The following DMBT1 variants were observed in gnomAD, a reference collection of about 807,000 sequenced individuals.
DMBT1 encodes the protein scavenger receptor cysteine-rich domain-containing protein DMBT1.
DMBT1 carries 198 observed loss-of-function variants against 252.9 expected under a neutral mutation model. That is an observed-to-expected ratio of 0.78 (90% CI 0.70 to 0.88). DMBT1 has a LOEUF of 0.88. Ranked by LOEUF, DMBT1 falls within the 40% of genes least tolerant of loss-of-function variation. The pLI, the probability that DMBT1 is intolerant of heterozygous loss-of-function variation, is 0.00. For missense variants in DMBT1, 2,432 were observed against 2,404.7 expected (o/e 1.01, Z -0.24); for synonymous variants, 990 against 942.7 (o/e 1.05, Z -0.92).
At chr10:122,576,171 G>A (rs2097710151) in intron 6 of DMBT1, among the ~76,000 whole-genome samples, 1 of 152,182 alleles carries the variant, frequency 6.6e-6, no homozygotes, top group Admixed American at 6.5e-5. Flanking sequence ...AGATCAGGAG[G>A]AGCCTTTTAT....
In DMBT1 at chr10:122,617,164, C is replaced by T. The variant is rs1272836620; in HGVS notation, c.4859-64C>T. On this transcript the variant is annotated intron_variant, in intron 39 of 55. Transcript: ENST00000338354. The stretch of plus-strand genomic sequence containing the variant: ...AGGTTGATTCCCCCTCCCAGAGAAC[C>T]TTTTGTTCTGTGCCTTTTCCCTTCA... 5.8e-6 allele frequency: 9 copies of T among 1,541,324 alleles called. 1 individual carries two copies. The East Asian group carries it at 2.2e-4, about 37-fold the overall frequency.
rs1311257395 is a variant in DMBT1 at position 122,585,492 on chromosome 10, G to A, written c.1459+183G>A. Among the ~76,000 whole-genome samples, 2 of 147,918 alleles carry A rather than the reference G, an allele frequency of 1.4e-5. 1 individual carries two copies. The highest frequency in any genetic ancestry group is 4.9e-5 in the African/African-American group (2 of 40,944). On this transcript the variant is annotated intron_variant, in intron 15 of 55. Transcript: ENST00000338354. The stretch of plus-strand genomic sequence containing the variant: ...TGGGTCTGATGTTGGAGGCTGGAGG[G>A]TGCTGGTGACTTTTCTCCCGTGGAA...
chr10:122,616,975 G>T (rs61269872), intron 39 of DMBT1, among the ~76,000 whole-genome samples: 1,953 of 124,296 alleles, frequency 0.016, 80 homozygotes, highest in South Asian at 0.14. Flanking sequence ...ATTGCATGGT[G>T]GGGGGCATCC....
At chr10:122,573,233 G>T (rs1380911740) in intron 5 of DMBT1, among the ~76,000 whole-genome samples, 11 of 152,180 alleles carry the variant, frequency 7.2e-5, no homozygotes, top group African/African-American at 2.7e-4. Flanking sequence ...TCCCCAAGGG[G>T]GCATCGTCCT....
chr10:122,631,711 T>C, intron 49 of DMBT1, 144 bp from the exon 50 acceptor site: 1 of 790,154 alleles, frequency 1.3e-6, no homozygotes, highest in Non-Finnish European at 2.1e-6. Context: ...GGAAGGCTTC[T>C]CAATAGCAAT....
At chr10:122,587,142 A>G (rs2097796890) in intron 16 of DMBT1, among the ~76,000 whole-genome samples, 1 of 148,196 alleles carries the variant, frequency 6.7e-6, no homozygotes, top group Non-Finnish European at 1.5e-5. Context: ...AAACTATAGC[A>G]TGCTGCCTCT....
At chr10:122,597,296 C>T (rs114508678) in intron 24 of DMBT1, among the ~76,000 whole-genome samples, 2,641 of 152,288 alleles carry the variant, frequency 0.017, 101 homozygotes, top group South Asian at 0.15. Flanking sequence ...TCCCAATGGC[C>T]AACCCTTAGA....
At chr10:122,620,582 C>T (rs931617561) in intron 43 of DMBT1, among the ~76,000 whole-genome samples, 1 of 152,232 alleles carries the variant, frequency 6.6e-6, no homozygotes, top group African/African-American at 2.4e-5. Flanking sequence ...GGACCTTGTT[C>T]CTGGCCCTCA....
At chr10:122,568,145 T>A (rs2097618084) in intron 2 of DMBT1, among the ~76,000 whole-genome samples, 1 of 152,058 alleles carries the variant, frequency 6.6e-6, no homozygotes, top group Admixed American at 6.5e-5. Context: ...TGATGTTAGA[T>A]GTAGGATGTG....
intron 52 of DMBT1, among the ~76,000 whole-genome samples, chr10:122,635,677 A>G (rs1428910709): frequency 6.6e-6 from 1 of 152,022 alleles, no homozygotes; most frequent in Non-Finnish European, 1.5e-5. Context: ...CAGCCTCCTG[A>G]GTAGCCTCCC....
rs1383757712 is a variant in DMBT1, at chr10:122,577,899, C to T, written c.637+59C>T. The T allele has an allele frequency of 3.2e-6, 5 of 1,576,458 alleles. 1 individual carries two copies. The African/African-American group carries it at 4.0e-5, about 13-fold the overall frequency. Reference sequence around the variant, plus strand: ...TTCTCTTTCTGCTCAGTTACCCCTTCCCTACTCCACAGAGCCCTCCTGCTT... The same window carrying T: ...TTCTCTTTCTGCTCAGTTACCCCTTTCCTACTCCACAGAGCCCTCCTGCTT... On this transcript the variant is annotated intron_variant, in intron 8 of 55. Coordinates refer to ENST00000338354, the MANE Select transcript of DMBT1 (RefSeq NM_001377530.1).
At chr10:122,601,072 T>G (rs753354635) in intron 28 of DMBT1, 49 bp downstream of exon 28, 4 of 716,728 alleles carry the variant, frequency 5.6e-6, no homozygotes, top group Non-Finnish European at 6.8e-6. Context: ...TCTGGACATA[T>G]TTTGTGTTTG....
chr10:122,563,660 A>G (rs1376761142), intron 1 of DMBT1, among the ~76,000 whole-genome samples: 1 of 152,116 alleles, frequency 6.6e-6, no homozygotes, highest in Non-Finnish European at 1.5e-5. Context: ...CATTCCCACA[A>G]TGGCAGCTGG....
In DMBT1 at chr10:122,600,846, A is replaced by G. The variant is rs2097946188; in HGVS notation, c.3311-145A>G. The G allele has an allele frequency of 4.9e-6, 5 of 1,024,810 alleles. No individual in the cohort carries two copies. The East Asian group carries it at 9.5e-5, about 19-fold the overall frequency. 63.5% of individuals were successfully genotyped at this position (1,024,810 alleles called of 1,614,324 possible). ...TCCGTGGATGAGTTCACAGCAGAGG[A>G]GACCTGGGAAGACACATGGGAAGCA... On this transcript the variant is annotated intron_variant, in intron 27 of 55. Transcript: ENST00000338354.
chr10:122,634,672 T>C (rs2098211842), intron 52 of DMBT1, among the ~76,000 whole-genome samples: 1 of 152,158 alleles, frequency 6.6e-6, no homozygotes. Context: ...AATTTTTGTA[T>C]TTTTATTAGA....
Position 122,625,321 on chromosome 10 carries a change from C to A in DMBT1, c.5635+18C>A, listed in dbSNP as rs754885279. 1.0e-5 allele frequency: 16 copies of A among 1,606,658 alleles called. No homozygotes were observed. In the South Asian group the frequency reaches 1.8e-4, roughly 18 times the overall value. On this transcript the variant is annotated intron_variant, in intron 45 of 55. Transcript: ENST00000338354. ...TACGACAGGTGAGTCTGCTACACCC[C>A]AGTCCAGCAATATTTCTCTTGGGAA...
intron 5 of DMBT1, 31 bp from the exon 6 acceptor site, chr10:122,573,684 T>C: frequency 1.2e-6 from 2 of 1,613,448 alleles, no homozygotes; most frequent in Non-Finnish European, 1.7e-6. Context: ...AGGGCTACGA[T>C]CAATGAGCTC....
In DMBT1 at chr10:122,641,615, C is replaced by T. The variant is rs114456676; in HGVS notation, c.7352+1166C>T. Among the ~76,000 whole-genome samples, 1,237 of 152,244 alleles carry T rather than the reference C, an allele frequency of 8.1e-3. 19 individuals are homozygous for T. The highest frequency in any genetic ancestry group is 0.028 in the African/African-American group (1,146 of 41,530). On this transcript the variant is annotated intron_variant, in intron 55 of 55. Coordinates refer to ENST00000338354, the MANE Select transcript of DMBT1 (RefSeq NM_001377530.1). ...AGGGGAGAAAGCTTAACCAGATTCC[C>T]GTTGTACAAATAGTCATAAGGTGAC...
At chr10:122,573,577 C>T in intron 5 of DMBT1, 138 bp from the exon 6 acceptor site, 2 of 1,065,938 alleles carry the variant, frequency 1.9e-6, no homozygotes, top group Admixed American at 1.8e-5. Flanking sequence ...GCGATTGGCA[C>T]ATGGTTGGCT....
Sources: gnomAD v4.1 joint callset for allele counts (sites outside exome capture counted in the v4.1 genomes callset) on GRCh38, gnomAD v4.1.1 for gene constraint, MANE v1.5 for transcripts, NCBI Gene and HGNC (gene_info 2026-07-23, HGNC 2026-07-21) for gene names.